Variants in TBC1D22A observed in about 807,000 individuals in gnomAD.
The protein encoded by TBC1D22A is TBC1 domain family member 22A, also known as putative GTPase activator.
In TBC1D22A, 38 loss-of-function variants were observed where a neutral mutation model predicts 60.2. The observed-to-expected ratio is 0.63, with a 90% CI of 0.49 to 0.83. The LOEUF (loss-of-function observed/expected upper bound fraction) is 0.83. Ranked by LOEUF, TBC1D22A falls within the 40% of genes least tolerant of loss-of-function variation. The probability of loss-of-function intolerance (pLI) is 0.00; values close to 1 mark genes in which losing one functional copy is unlikely to be tolerated. For missense variants in TBC1D22A, 628 were observed against 701.0 expected (o/e 0.90, Z 1.18); for synonymous variants, 302 against 281.7 (o/e 1.07, Z -0.72).
intron 12 of TBC1D22A, among the ~76,000 whole-genome samples, chr22:47,119,474 T>C (rs879752874): frequency 1.3e-5 from 2 of 151,956 alleles, no homozygotes; most frequent in African/African-American, 2.4e-5. Context: ...CCTGCTGTTA[T>C]AACAAACTAC....
intron 4 of TBC1D22A, among the ~76,000 whole-genome samples, chr22:46,856,436 A>G (rs2087573252): frequency 6.6e-6 from 1 of 152,248 alleles, no homozygotes; most frequent in Admixed American, 6.5e-5. Flanking sequence ...GACTGAGTCC[A>G]ACTGGAAAGT....
chr22:47,051,741 T>A (rs998417379), intron 11 of TBC1D22A, among the ~76,000 whole-genome samples: 1 of 152,202 alleles, frequency 6.6e-6, no homozygotes, highest in African/African-American at 2.4e-5. Flanking sequence ...ACTGCTCCTC[T>A]CCAGCTCCCC....
At chr22:47,107,827 A>G (rs946668741) in intron 11 of TBC1D22A, among the ~76,000 whole-genome samples, 2 of 152,270 alleles carry the variant, frequency 1.3e-5, no homozygotes, top group Admixed American at 6.5e-5. Context: ...ACAATTGGAT[A>G]TCCATGTGCA....
intron 12 of TBC1D22A, among the ~76,000 whole-genome samples, chr22:47,114,841 G>A (rs2065973614): frequency 6.6e-6 from 1 of 152,164 alleles, no homozygotes; most frequent in Non-Finnish European, 1.5e-5. Flanking sequence ...CAGTTCAGGG[G>A]CCAGGGAGGG....
intron 11 of TBC1D22A, among the ~76,000 whole-genome samples, chr22:47,081,157 G>A (rs1302793640): frequency 6.7e-6 from 1 of 149,188 alleles, no homozygotes; most frequent in East Asian, 2.0e-4. Flanking sequence ...AGTACACACT[G>A]AGTAGCATTT....
intron 4 of TBC1D22A, among the ~76,000 whole-genome samples, chr22:46,843,487 G>A (rs1000055636): frequency 2.8e-5 from 4 of 142,014 alleles, no homozygotes; most frequent in South Asian, 2.1e-4. Context: ...AGCCACCTCA[G>A]CATGCCCCCT....
At chr22:46,769,214 C>T (rs2083402924) in intron 1 of TBC1D22A, among the ~76,000 whole-genome samples, 1 of 151,916 alleles carries the variant, frequency 6.6e-6, no homozygotes, top group Non-Finnish European at 1.5e-5. Flanking sequence ...AGTGATGTGG[C>T]TCTGACAGCC....
intron 1 of TBC1D22A, among the ~76,000 whole-genome samples, chr22:46,785,611 C>G (rs1371662351): frequency 6.6e-6 from 1 of 152,164 alleles, no homozygotes; most frequent in Non-Finnish European, 1.5e-5. Flanking sequence ...TGCCTTCCTC[C>G]CTGTTCTAGT....
chr22:46,906,802 T>TGTGTGTGTGTGCTCTAGGTGC (rs2069510087), intron 7 of TBC1D22A, among the ~76,000 whole-genome samples: 1 of 133,724 alleles, frequency 7.5e-6, no homozygotes, highest in Non-Finnish European at 1.5e-5. Flanking sequence ...TGTGTGTGTA[T>TGTGTGTGTGTGCTCTAGGTGC]GTGTGTGTGT....
rs1306574532 is a variant in TBC1D22A at position 46,941,811 on chromosome 22, AATAT to A, written c.1015+29629_1015+29632del. Among the ~76,000 whole-genome samples the A allele has an allele frequency of 4.3e-5, 6 of 138,692 alleles. No homozygotes were observed. In the East Asian group the frequency reaches 1.2e-3, roughly 27 times the overall value. 91.0% of individuals were successfully genotyped at this position (138,692 alleles called of 152,430 possible). ...TATAGAATATATAGAATATATATAG[AATAT>A]ATATAGAATATATAGAATAATAGAA... On this transcript the variant is annotated intron_variant, in intron 8 of 12. Coordinates refer to ENST00000337137, the MANE Select transcript of TBC1D22A (RefSeq NM_014346.5).
chr22:47,091,862 C>T (rs1479547672), intron 11 of TBC1D22A, among the ~76,000 whole-genome samples: 1 of 152,214 alleles, frequency 6.6e-6, no homozygotes, highest in Non-Finnish European at 1.5e-5. Context: ...TATTAACACA[C>T]CGTAGGCTTC....
chr22:46,766,328 A>G (rs2083286486), intron 1 of TBC1D22A, among the ~76,000 whole-genome samples: 1 of 151,610 alleles, frequency 6.6e-6, no homozygotes, highest in Non-Finnish European at 1.5e-5. Flanking sequence ...ATGGGGTTTC[A>G]CCATGTTGGC....
chr22:46,832,947 G>C (rs528826413), intron 4 of TBC1D22A, among the ~76,000 whole-genome samples: 6 of 152,298 alleles, frequency 3.9e-5, no homozygotes, highest in African/African-American at 1.4e-4. Flanking sequence ...CAGCTAAGCT[G>C]CATGGGGATT....
intron 4 of TBC1D22A, among the ~76,000 whole-genome samples, chr22:46,860,852 T>G (rs2087837421): frequency 1.3e-5 from 2 of 152,250 alleles, no homozygotes; most frequent in Admixed American, 6.5e-5. Context: ...TCCTGTGGTG[T>G]TGAGTGGGGG....
In TBC1D22A at chr22:47,118,837, G is replaced by C. The variant is rs112684647; in HGVS notation, c.1425+7234G>C. ...CATACATTTAAAAAATGCTAAACTT[G>C]CCTCAAGATAAGCTTTAAAAAAAGC... is the stretch of plus-strand genomic sequence containing the variant. On this transcript the variant is annotated intron_variant, in intron 12 of 12. Coordinates refer to ENST00000337137, the MANE Select transcript of TBC1D22A (RefSeq NM_014346.5). 1.6e-4 allele frequency among the ~76,000 whole-genome samples: 25 copies of C among 151,904 alleles called. No individual in the cohort carries two copies. In the East Asian group the frequency reaches 4.7e-3, roughly 28 times the overall value.
chr22:46,974,153 G>A (rs1016363572), intron 8 of TBC1D22A, 137 bp from the exon 9 acceptor site: 4 of 661,556 alleles, frequency 6.0e-6, no homozygotes, highest in South Asian at 3.5e-5. Flanking sequence ...GGCTGCATGA[G>A]TCATTTAGCT....
At chr22:46,878,994 C>T (rs916951162) in intron 5 of TBC1D22A, among the ~76,000 whole-genome samples, 1 of 152,092 alleles carries the variant, frequency 6.6e-6, no homozygotes, top group Non-Finnish European at 1.5e-5. Flanking sequence ...TTCTATGTTC[C>T]AGCCTGTGAT....
rs1221222229 is a variant in TBC1D22A, at chr22:47,174,963, C to G, written c.*1337C>G. On this transcript the variant is annotated 3_prime_UTR_variant, in exon 13 of 13. Coordinates refer to ENST00000337137, the MANE Select transcript of TBC1D22A (RefSeq NM_014346.5). ...ATGCGGGCAGGGCCACAGCCACAGT[C>G]TGTCTGATCCCTGAGCCCAGGACAG... The G allele has an allele frequency of 6.6e-6, 1 of 152,250 alleles. No homozygotes were observed. The highest frequency in any genetic ancestry group is 6.5e-5 in the Admixed American group (1 of 15,292). 9.4% of individuals were successfully genotyped at this position (152,250 alleles called of 1,614,324 possible).
intron 8 of TBC1D22A, among the ~76,000 whole-genome samples, chr22:46,932,706 C>T (rs918553953): frequency 2.2e-5 from 3 of 135,360 alleles, no homozygotes; most frequent in Admixed American, 7.5e-5. Flanking sequence ...GTGCAGTGTG[C>T]GTTGTCCTTC....
Sources: gnomAD v4.1 joint callset for allele counts (sites outside exome capture counted in the v4.1 genomes callset) on GRCh38, gnomAD v4.1.1 for gene constraint, MANE v1.5 for transcripts, NCBI Gene and HGNC (gene_info 2026-07-23, HGNC 2026-07-21) for gene names.